RTN1: variants seen among roughly 807,000 people sequenced by gnomAD.
RTN1 encodes the protein reticulon 1.
RTN1 carries 25 observed loss-of-function variants against 65.5 expected under a neutral mutation model. The observed-to-expected ratio is 0.38, with a 90% CI of 0.28 to 0.53. The LOEUF (loss-of-function observed/expected upper bound fraction) is 0.53, where lower values mean the gene tolerates loss of function less well. RTN1 is among the 20% of genes least tolerant of loss of function. The pLI, the probability that RTN1 is intolerant of heterozygous loss-of-function variation, is 0.79. For missense variants in RTN1, 983 were observed against 1,025.4 expected (o/e 0.96, Z 0.57); for synonymous variants, 471 against 447.6 (o/e 1.05, Z -0.66).
chr14:59,869,100 T>C (rs1294368292), intron 1 of RTN1, among the ~76,000 whole-genome samples: 1 of 152,192 alleles, frequency 6.6e-6, no homozygotes, highest in Non-Finnish European at 1.5e-5. Flanking sequence ...ACTTTTTCTC[T>C]TCCTTTCAGG....
At chr14:59,811,223 G>A (rs1886722484) in intron 1 of RTN1, among the ~76,000 whole-genome samples, 1 of 152,102 alleles carries the variant, frequency 6.6e-6, no homozygotes. Flanking sequence ...TCACTGAGTT[G>A]TATTAGTCTG....
chr14:59,662,391 A>G (rs1270109999), intron 3 of RTN1, among the ~76,000 whole-genome samples: 1 of 137,150 alleles, frequency 7.3e-6, no homozygotes, highest in Non-Finnish European at 1.5e-5. Context: ...ATTCCCACCT[A>G]TGAGTGAGAA....
At position 59,596,258 on chromosome 14, in the gene RTN1, T is replaced by C. The variant is rs1356641173; in HGVS notation, c.*487A>G. 1.3e-5 allele frequency: 2 copies of C among 152,880 alleles called. No homozygotes were observed. The highest frequency in any genetic ancestry group is 2.4e-5 in the African/African-American group (1 of 41,478). The allele number at this position is 152,880 out of a possible 1,614,324, so 9.5% of individuals were successfully genotyped here. ...AAGTGCGGTCGACTGCTTTTATTTT[T>C]ACGTTGTGTGTGTTGGAAAAATGCT... On this transcript the variant is annotated 3_prime_UTR_variant, in exon 9 of 9. Coordinates refer to ENST00000267484, the MANE Select transcript of RTN1 (RefSeq NM_021136.3).
intron 3 of RTN1, among the ~76,000 whole-genome samples, chr14:59,639,470 T>A (rs973402792): frequency 2.0e-5 from 3 of 152,242 alleles, no homozygotes; most frequent in African/African-American, 7.2e-5. Context: ...TAATCATATC[T>A]TCTGTGAATA....
intron 1 of RTN1, among the ~76,000 whole-genome samples, chr14:59,800,393 G>T (rs1278365662): frequency 6.6e-6 from 1 of 152,068 alleles, no homozygotes; most frequent in Non-Finnish European, 1.5e-5. Flanking sequence ...ACATCTTTTT[G>T]TTGTTGTTGT....
At chr14:59,751,588 G>C (rs1322487668) in intron 1 of RTN1, among the ~76,000 whole-genome samples, 1 of 152,158 alleles carries the variant, frequency 6.6e-6, no homozygotes, top group Non-Finnish European at 1.5e-5. Context: ...AGTCTGGAGA[G>C]GTGGGGAGTG....
chr14:59,722,055 T>C (rs1884659448), intron 3 of RTN1, among the ~76,000 whole-genome samples: 1 of 152,204 alleles, frequency 6.6e-6, no homozygotes, highest in Non-Finnish European at 1.5e-5. Flanking sequence ...ATAATTTATA[T>C]ATTTTTGCCC....
At chr14:59,630,549 C>T (rs1451975388) in intron 3 of RTN1, 1 of 1,610,980 alleles carries the variant, frequency 6.2e-7, no homozygotes, top group Admixed American at 1.7e-5. Flanking sequence ...CTCGGGGGCG[C>T]CGAGCGTGCA....
At chr14:59,823,221 A>C (rs1232144540) in intron 1 of RTN1, among the ~76,000 whole-genome samples, 1 of 151,942 alleles carries the variant, frequency 6.6e-6, no homozygotes, top group Non-Finnish European at 1.5e-5. Context: ...AAGAGAGTTA[A>C]GTCTTCTTGT....
intron 1 of RTN1, among the ~76,000 whole-genome samples, chr14:59,828,573 A>G (rs773924278): frequency 3.9e-5 from 6 of 152,342 alleles, no homozygotes; most frequent in Middle Eastern, 3.4e-3. Context: ...CCAGCAGCAC[A>G]GGAAAAATGG....
chr14:59,640,435 G>T (rs987134411), intron 3 of RTN1, among the ~76,000 whole-genome samples: 10 of 152,148 alleles, frequency 6.6e-5, no homozygotes, highest in Non-Finnish European at 1.5e-4. Flanking sequence ...TCCTGCCTCA[G>T]CCTCTTGAGT....
intron 2 of RTN1, among the ~76,000 whole-genome samples, chr14:59,739,852 T>A (rs1048942358): frequency 1.3e-5 from 2 of 152,188 alleles, no homozygotes; most frequent in African/African-American, 2.4e-5. Flanking sequence ...TCTTCCCTTC[T>A]GAGGCACACA....
intron 1 of RTN1, among the ~76,000 whole-genome samples, chr14:59,789,852 G>A (rs1324469448): frequency 6.6e-6 from 1 of 151,520 alleles, no homozygotes; most frequent in Non-Finnish European, 1.5e-5. Context: ...GAACTGATAG[G>A]TATCAAAAAA....
intron 2 of RTN1, among the ~76,000 whole-genome samples, chr14:59,742,055 T>C (rs1306008539): frequency 2.6e-5 from 4 of 152,204 alleles, no homozygotes; most frequent in African/African-American, 9.7e-5. Context: ...TACTACAAGG[T>C]CTCAGTGGCC....
chr14:59,669,626 A>G (rs980156987), intron 3 of RTN1, among the ~76,000 whole-genome samples: 1 of 152,108 alleles, frequency 6.6e-6, no homozygotes, highest in Non-Finnish European at 1.5e-5. Context: ...AAAAATAAAA[A>G]AAAGAACTGT....
chr14:59,793,254 A>C (rs986203694), intron 1 of RTN1, among the ~76,000 whole-genome samples: 14 of 152,132 alleles, frequency 9.2e-5, no homozygotes, highest in Non-Finnish European at 1.5e-4. Context: ...CAAAACTAAC[A>C]CTTTTTTCTA....
At chr14:59,690,329 C>A (rs1421093588) in intron 3 of RTN1, among the ~76,000 whole-genome samples, 1 of 151,608 alleles carries the variant, frequency 6.6e-6, no homozygotes, top group Non-Finnish European at 1.5e-5. Flanking sequence ...ATCCTTATAT[C>A]ATATAAGAAT....
chr14:59,734,911 G>T (rs1166319926), intron 2 of RTN1, among the ~76,000 whole-genome samples: 1 of 151,936 alleles, frequency 6.6e-6, no homozygotes, highest in East Asian at 1.9e-4. Flanking sequence ...TCAATGAAAA[G>T]ATCATCCCCA....
chr14:59,778,420 C>T (rs2139570786), intron 1 of RTN1, among the ~76,000 whole-genome samples: 1 of 152,292 alleles, frequency 6.6e-6, no homozygotes, highest in African/African-American at 2.4e-5. Flanking sequence ...TAAAGAAGCA[C>T]TATTTGCTGG....
Sources: gnomAD v4.1 joint callset for allele counts (sites outside exome capture counted in the v4.1 genomes callset) on GRCh38, gnomAD v4.1.1 for gene constraint, MANE v1.5 for transcripts, NCBI Gene and HGNC (gene_info 2026-07-23, HGNC 2026-07-21) for gene names.